Variants in MCF2L2 observed in about 807,000 individuals in gnomAD.
MCF2L2 encodes MCF.2 cell line derived transforming sequence-like 2.
In MCF2L2, 102 loss-of-function variants were observed where a neutral mutation model predicts 150.2. The observed-to-expected ratio is 0.68, with a 90% CI of 0.58 to 0.80. MCF2L2 has a LOEUF of 0.80. MCF2L2 is among the 30% of genes least tolerant of loss of function. The probability of loss-of-function intolerance (pLI) is 0.00; values close to 1 mark genes in which losing one functional copy is unlikely to be tolerated. For missense variants in MCF2L2, 1,256 were observed against 1,372.8 expected, an observed-to-expected ratio of 0.91 and a Z score of 1.34; for synonymous variants, 465 against 491.3, an observed-to-expected ratio of 0.95 and a Z score of 0.71.
chr3:183,278,562 T>C (rs1464577), intron 14 of MCF2L2, among the ~76,000 whole-genome samples: 3,915 of 152,296 alleles, frequency 0.026, 172 homozygotes, highest in African/African-American at 0.087. Context: ...TTACTATGCC[T>C]GAATTCCCCA....
At chr3:183,205,814 C>G (rs752702997) in intron 25 of MCF2L2, 62 bp downstream of exon 25, 8 of 1,247,916 alleles carry the variant, frequency 6.4e-6, no homozygotes, top group Non-Finnish European at 9.3e-6. Flanking sequence ...CCAATTTGCA[C>G]ATCCCCCACT....
intron 13 of MCF2L2, 32 bp from the exon 14 acceptor site, chr3:183,289,252 A>G (rs3732598): frequency 0.014 from 19,389 of 1,396,620 alleles, 267 homozygotes; most frequent in Middle Eastern, 0.044. Context: ...GTGGTTATTT[A>G]ACTTATAAAC....
rs768489117 is a variant in MCF2L2, at chr3:183,232,045, GC to G, written c.1863-1029del. Among the ~76,000 whole-genome samples the G allele has an allele frequency of 4.6e-5, 7 of 152,284 alleles. No individual in the cohort carries two copies. In the East Asian group the frequency reaches 7.7e-4, roughly 17 times the overall value. ...TTCATTTGATAGGTAATCCAGTTGG[GC>G]CTGTCCTAATCATATGAACTCAGAT... is the stretch of plus-strand genomic sequence containing the variant. On this transcript the variant is annotated intron_variant, in intron 15 of 29. Transcript: ENST00000328913.
rs1185481638 is a variant in MCF2L2, at chr3:183,323,239, C to T, written c.599G>A (p.Arg200His). ...CACACGTAAGCTGGTACTCACAGTG[C>T]GGTGATTTACCCACTGACCGTGGCG... ...EYRHGQWVNH[R>H]TAIENFALTL... Residue 200 changes from arginine to histidine, a missense_variant, in exon 6 of 30, where the codon CGC becomes CAC. Coordinates refer to ENST00000328913, the MANE Select transcript of MCF2L2 (RefSeq NM_015078.4). The T allele has an allele frequency of 7.5e-6, 12 of 1,603,698 alleles. No individual in the cohort carries two copies. Among genetic ancestry groups the T allele is most frequent in the Admixed American group, 5.0e-5 (3 of 59,916 alleles).
At chr3:183,389,820 C>CA in intron 1 of MCF2L2, 41 bp from the exon 2 acceptor site, 1 of 1,472,684 alleles carries the variant, frequency 6.8e-7, no homozygotes, top group Middle Eastern at 1.7e-4. Context: ...TAAACATGTG[C>CA]AAATTACAAG....
At chr3:183,339,762 AT>A (rs925588114) in intron 4 of MCF2L2, among the ~76,000 whole-genome samples, 25 of 149,760 alleles carry the variant, frequency 1.7e-4, no homozygotes, top group African/African-American at 3.9e-4. Context: ...TCCTATGGGG[AT>A]TTTTTTTTTC....
chr3:183,294,043 T>C (rs1024095299), intron 13 of MCF2L2, among the ~76,000 whole-genome samples: 2 of 152,172 alleles, frequency 1.3e-5, no homozygotes, highest in Non-Finnish European at 1.5e-5. Flanking sequence ...ATCCCTATCA[T>C]AATCCCAGCA....
rs2108478868 is a variant in MCF2L2, at chr3:183,289,106, A to G, written c.1776+14T>C. The G allele has an allele frequency of 6.5e-7, 1 of 1,534,342 alleles. No individual in the cohort carries two copies. Among genetic ancestry groups the G allele is most frequent in the Non-Finnish European group, 9.0e-7 (1 of 1,107,966 alleles). Reference sequence around the variant, plus strand: ...TGTCAGGAAGTTCTATAAGTAAAATAAAGGTAATTTTACCTTGACTTCAAA... The same window carrying G: ...TGTCAGGAAGTTCTATAAGTAAAATGAAGGTAATTTTACCTTGACTTCAAA... On this transcript the variant is annotated intron_variant, in intron 14 of 29. Coordinates refer to ENST00000328913, the MANE Select transcript of MCF2L2 (RefSeq NM_015078.4).
intron 15 of MCF2L2, chr3:183,273,315 G>C (rs138328243): frequency 7.2e-6 from 2 of 278,580 alleles, no homozygotes; most frequent in East Asian, 1.3e-4. Flanking sequence ...CTTGAATTTT[G>C]CTCTTGTATG....
At chr3:183,279,209 TGATGA>T (rs1441496379) in intron 14 of MCF2L2, among the ~76,000 whole-genome samples, 4 of 152,052 alleles carry the variant, frequency 2.6e-5, no homozygotes, top group Non-Finnish European at 5.9e-5. Context: ...ACATCGTAAC[TGATGA>T]GATATCTTTT....
At chr3:183,318,843 T>C (rs140524318) in intron 6 of MCF2L2, among the ~76,000 whole-genome samples, 2 of 152,348 alleles carry the variant, frequency 1.3e-5, no homozygotes, top group East Asian at 3.9e-4. Flanking sequence ...AAATACTTTA[T>C]TGTTAAAAAA....
Position 183,311,967 on chromosome 3 carries a change from C to A in MCF2L2, c.754-195G>T, listed in dbSNP as rs564043773. Among the ~76,000 whole-genome samples, 119 of 152,220 alleles carry A rather than the reference C, an allele frequency of 7.8e-4. 1 individual carries two copies. The highest frequency in any genetic ancestry group is 2.7e-3 in the African/African-American group (113 of 41,530). On this transcript the variant is annotated intron_variant, in intron 7 of 29. Transcript: ENST00000328913. ...CGACATGATACAAAATTCAAAATAT[C>A]CGAAAGGGTATACATCAAAAAAAGT...
intron 21 of MCF2L2, among the ~76,000 whole-genome samples, chr3:183,217,790 G>A (rs555080172): frequency 1.2e-4 from 19 of 152,276 alleles, no homozygotes; most frequent in African/African-American, 4.6e-4. Context: ...CCAGCGCTCT[G>A]CACCTCCCGA....
chr3:183,367,887 C>T (rs890471736), intron 3 of MCF2L2, among the ~76,000 whole-genome samples: 5 of 152,248 alleles, frequency 3.3e-5, no homozygotes, highest in Admixed American at 2.0e-4. Context: ...TGTCTAAAGT[C>T]GATGAATCAA....
At chr3:183,277,126 T>C (rs1727202821) in intron 14 of MCF2L2, among the ~76,000 whole-genome samples, 169 bp from the exon 15 acceptor site, 1 of 152,138 alleles carries the variant, frequency 6.6e-6, no homozygotes, top group South Asian at 2.1e-4. Context: ...TCTGGATCCA[T>C]TATGGTTTGC....
At chr3:183,259,586 CT>C (rs1448162554) in intron 15 of MCF2L2, among the ~76,000 whole-genome samples, 1 of 152,124 alleles carries the variant, frequency 6.6e-6, no homozygotes, top group East Asian at 1.9e-4. Context: ...AGAATGGCAG[CT>C]TTTCCAGGCC....
chr3:183,211,995 C>T (rs1414008263), intron 22 of MCF2L2, among the ~76,000 whole-genome samples: 1 of 152,018 alleles, frequency 6.6e-6, no homozygotes, highest in Non-Finnish European at 1.5e-5. Flanking sequence ...AGGATGGGTC[C>T]AAATCCAATG....
At chr3:183,306,139 AT>A (rs1471672736) in intron 10 of MCF2L2, among the ~76,000 whole-genome samples, 1 of 152,236 alleles carries the variant, frequency 6.6e-6, no homozygotes, top group Non-Finnish European at 1.5e-5. Context: ...TAGAGCCAAG[AT>A]TTGAATCCAT....
intron 19 of MCF2L2, among the ~76,000 whole-genome samples, 186 bp from the exon 20 acceptor site, chr3:183,223,624 A>G (rs1425113550): frequency 6.6e-6 from 1 of 152,198 alleles, no homozygotes; most frequent in African/African-American, 2.4e-5. Context: ...TAAGAGAAAG[A>G]GGAAAGAGGA....
Sources: gnomAD v4.1 joint callset for allele counts (sites outside exome capture counted in the v4.1 genomes callset) on GRCh38, gnomAD v4.1.1 for gene constraint, MANE v1.5 for transcripts, NCBI Gene and HGNC (gene_info 2026-07-23, HGNC 2026-07-21) for gene names.